The following SETD7 variants were observed in gnomAD, a reference collection of about 807,000 sequenced individuals.
SETD7 encodes SET domain containing 7, histone lysine methyltransferase, also known as histone-lysine N-methyltransferase SETD7.
Under a neutral mutation model 41.8 loss-of-function variants are expected in SETD7, and 16 were observed. The observed-to-expected ratio is 0.38, with a 90% CI of 0.26 to 0.58. The LOEUF (loss-of-function observed/expected upper bound fraction) is 0.58. SETD7 is among the 20% of genes least tolerant of loss of function. The pLI is 0.64. For missense variants in SETD7, 346 were observed against 459.7 expected (o/e 0.75, Z 2.26); for synonymous variants, 163 against 169.7 (o/e 0.96, Z 0.31).
intron 1 of SETD7, among the ~76,000 whole-genome samples, chr4:139,550,275 C>T (rs1373908709): frequency 6.6e-6 from 1 of 152,194 alleles, no homozygotes; most frequent in Non-Finnish European, 1.5e-5. Context: ...ATGGCCATTA[C>T]TCTGGTGACC....
At chr4:139,533,483 G>T in intron 2 of SETD7, 117 bp from the exon 3 acceptor site, 1 of 822,112 alleles carries the variant, frequency 1.2e-6, no homozygotes, top group Non-Finnish European at 1.9e-6. Context: ...CATGGATTCA[G>T]CGCAGCCTCC....
At chr4:139,532,784 T>C in intron 3 of SETD7, 1 of 279,560 alleles carries the variant, frequency 3.6e-6, no homozygotes, top group East Asian at 9.0e-5. Context: ...GGTTTTTACA[T>C]ATGAGAAACA....
At chr4:139,519,840 G>A (rs1727131005) in intron 6 of SETD7, among the ~76,000 whole-genome samples, 1 of 152,182 alleles carries the variant, frequency 6.6e-6, no homozygotes, top group African/African-American at 2.4e-5. Flanking sequence ...AAGGTAAGAG[G>A]TGATTCAACT....
intron 2 of SETD7, among the ~76,000 whole-genome samples, chr4:139,536,480 G>A (rs1455025219): frequency 6.6e-6 from 1 of 152,236 alleles, no homozygotes; most frequent in Non-Finnish European, 1.5e-5. Context: ...GGGAGGCCAA[G>A]GTAGGTGGAT....
At chr4:139,534,561 GT>G (rs1432215297) in intron 2 of SETD7, among the ~76,000 whole-genome samples, 1 of 150,184 alleles carries the variant, frequency 6.7e-6, no homozygotes, top group African/African-American at 2.4e-5. Flanking sequence ...GTTAATTTTT[GT>G]TTTTTTTTGT....
chr4:139,513,349 G>A (rs191191778), intron 7 of SETD7, among the ~76,000 whole-genome samples: 38 of 151,948 alleles, frequency 2.5e-4, no homozygotes, highest in African/African-American at 8.9e-4. Flanking sequence ...GGACCCAAGA[G>A]GTGGAGATTG....
chr4:139,520,465 A>ATGATATTTTGGCAGT, intron 5 of SETD7, 71 bp from the exon 6 acceptor site: 1 of 838,458 alleles, frequency 1.2e-6, no homozygotes, highest in Non-Finnish European at 1.9e-6. Context: ...AACTGCCAAA[A>ATGATATTTTGGCAGT]TATCATTAAG....
Position 139,530,491 on chromosome 4 carries a change from C to T in SETD7, c.373-1271G>A, listed in dbSNP as rs561282197. On this transcript the variant is annotated intron_variant, in intron 3 of 7. Transcript: ENST00000274031. ...AAGTGCACTAGGGATATAGTCATTGCTCTTTCTTCTCTTCAAGTTAATTCT... is the reference window on the plus strand; with the variant it reads ...AAGTGCACTAGGGATATAGTCATTGTTCTTTCTTCTCTTCAAGTTAATTCT... Among the ~76,000 whole-genome samples, 9 of 151,648 alleles carry T rather than the reference C, an allele frequency of 5.9e-5. No homozygotes were observed. In the East Asian group the frequency reaches 1.7e-3, roughly 29 times the overall value.
intron 2 of SETD7, among the ~76,000 whole-genome samples, chr4:139,541,860 C>A (rs934534882): frequency 2.0e-5 from 3 of 152,126 alleles, no homozygotes; most frequent in African/African-American, 7.2e-5. Context: ...AACAGGTAAA[C>A]AATGTACATT....
intron 6 of SETD7, 37 bp downstream of exon 6, chr4:139,520,240 C>T (rs1278082265): frequency 8.7e-7 from 1 of 1,151,666 alleles, no homozygotes; most frequent in Non-Finnish European, 1.3e-6. Flanking sequence ...AGCCCTTTAA[C>T]CAACAAAGTT....
chr4:139,545,245 A>G (rs1025481923), intron 2 of SETD7, among the ~76,000 whole-genome samples: 2 of 152,040 alleles, frequency 1.3e-5, no homozygotes, highest in African/African-American at 4.8e-5. Flanking sequence ...TGCTCAAGCA[A>G]TCTTCCTGCC....
At chr4:139,495,434 G>A (rs1726435840), downstream of SETD7, among the ~76,000 whole-genome samples, 1 of 152,194 alleles carries the variant, frequency 6.6e-6, no homozygotes, top group South Asian at 2.1e-4. Context: ...GATACTACCG[G>A]AGGCTGGGTA....
rs566928649 is a variant in SETD7, at chr4:139,512,794, G to A, written c.921-951C>T. 2.9e-5 allele frequency among the ~76,000 whole-genome samples: 3 copies of A among 104,132 alleles called. No homozygotes were observed. In the East Asian group the frequency reaches 9.3e-4, roughly 32 times the overall value. The allele number at this position is 104,132 out of a possible 152,430, so 68.3% of individuals were successfully genotyped here. On this transcript the variant is annotated intron_variant, in intron 7 of 7. Coordinates refer to ENST00000274031, the MANE Select transcript of SETD7 (RefSeq NM_030648.4). ...TTTTTTTGAGACAGAGTCTTGCTCT[G>A]TTGCCCAGGCTGAAGTGCAGTGGCA...
At chr4:139,511,864 A>C in intron 7 of SETD7, 21 bp from the exon 8 acceptor site, 2 of 1,600,942 alleles carry the variant, frequency 1.2e-6, no homozygotes, top group Non-Finnish European at 1.7e-6. Flanking sequence ...AGATGCACAC[A>C]GTCATTCCCG....
Position 139,556,080 on chromosome 4 carries a change from C to A in SETD7, c.40+18G>T. ...GCCCTCTGCGCCTCCTCCCCCGGCC[C>A]CGGAGAAATGCTTGTACCTTCCACC... On this transcript the variant is annotated intron_variant, in intron 1 of 7. Coordinates refer to ENST00000274031, the MANE Select transcript of SETD7 (RefSeq NM_030648.4). The A allele has an allele frequency of 6.3e-7, 1 of 1,589,316 alleles. No homozygotes were observed. Among genetic ancestry groups the A allele is most frequent in the East Asian group, 2.4e-5 (1 of 42,028 alleles).
At chr4:139,554,171 T>G (rs1338802122) in intron 1 of SETD7, among the ~76,000 whole-genome samples, 1 of 152,218 alleles carries the variant, frequency 6.6e-6, no homozygotes, top group Non-Finnish European at 1.5e-5. Flanking sequence ...CCTCTCATTC[T>G]CAAGGGGGTT....
At chr4:139,514,181 A>T (rs779360849) in intron 7 of SETD7, among the ~76,000 whole-genome samples, 1 of 152,090 alleles carries the variant, frequency 6.6e-6, no homozygotes, top group Non-Finnish European at 1.5e-5. Context: ...GCTACTTGGG[A>T]GGCTAAGGTG....
intron 2 of SETD7, among the ~76,000 whole-genome samples, chr4:139,539,213 C>T (rs1324248157): frequency 6.6e-6 from 1 of 152,080 alleles, no homozygotes; most frequent in East Asian, 1.9e-4. Context: ...CTTTTGTCAG[C>T]CATAGCAATA....
chr4:139,509,681 T>A lies in SETD7; in HGVS notation c.*1982A>T. The A allele has an allele frequency of 1.0e-6, 1 of 985,184 alleles. No homozygotes were observed. Among genetic ancestry groups the A allele is most frequent in the Non-Finnish European group, 1.2e-6 (1 of 829,698 alleles). The allele number at this position is 985,184 out of a possible 1,614,324, so 61.0% of individuals were successfully genotyped here. On this transcript the variant is annotated 3_prime_UTR_variant, in exon 8 of 8. Coordinates refer to ENST00000274031, the MANE Select transcript of SETD7 (RefSeq NM_030648.4). ...GACAGTCACTCCCTTTGGGCACATTTAAATTAAAGCACCTATCAGAATGCA... is the reference window on the plus strand; with the variant it reads ...GACAGTCACTCCCTTTGGGCACATTAAAATTAAAGCACCTATCAGAATGCA...
Sources: gnomAD v4.1 joint callset for allele counts (sites outside exome capture counted in the v4.1 genomes callset) on GRCh38, gnomAD v4.1.1 for gene constraint, MANE v1.5 for transcripts, NCBI Gene and HGNC (gene_info 2026-07-23, HGNC 2026-07-21) for gene names.